The following ARFGAP1 variants were observed in gnomAD, a reference collection of about 807,000 sequenced individuals.
ARFGAP1 encodes ARF GTPase activating protein 1.
A neutral mutation model predicts 54.0 loss-of-function variants in ARFGAP1; 26 were observed. That is an observed-to-expected ratio of 0.48 (90% confidence interval 0.35 to 0.67). ARFGAP1 has a LOEUF of 0.67. Ranked by LOEUF, ARFGAP1 falls within the 30% of genes least tolerant of loss-of-function variation. The pLI is 0.00. For missense variants in ARFGAP1, 525 were observed against 535.8 expected (o/e 0.98, Z 0.20); for synonymous variants, 248 against 211.9 (o/e 1.17, Z -1.48).
chr20:63,282,958 C>A, intron 9 of ARFGAP1, 107 bp downstream of exon 9: 1 of 1,257,126 alleles, frequency 8.0e-7, no homozygotes, highest in Non-Finnish European at 1.2e-6. Context: ...AGGCCACATG[C>A]TCAGAGCTGA....
chr20:63,275,297 T>C (rs889988571), intron 1 of ARFGAP1, among the ~76,000 whole-genome samples: 1 of 152,188 alleles, frequency 6.6e-6, no homozygotes, highest in African/African-American at 2.4e-5. Flanking sequence ...GTCTTGGTGA[T>C]GAATAAGCTT....
At position 63,288,976 on chromosome 20, in the gene ARFGAP1, C is replaced by T; in HGVS notation, c.*1103C>T. The T allele has an allele frequency of 5.0e-6, 1 of 198,486 alleles. No homozygotes were observed. The highest frequency in any genetic ancestry group is 1.1e-5 in the Non-Finnish European group (1 of 94,730). The allele number at this position is 198,486 out of a possible 1,614,324, so 12.3% of individuals were successfully genotyped here. A position where few individuals can be genotyped will look rare whatever the true frequency, so the allele number is the denominator to read the frequency against. On this transcript the variant is annotated 3_prime_UTR_variant, in exon 13 of 13. Transcript: ENST00000370283. ...CCCTGGTCACCCCACTTCCCGGTCG[C>T]CGTCTGCAGCACTCCTGGAGCAGCC...
Position 63,288,142 on chromosome 20 carries a change from C to G in ARFGAP1, c.*269C>G, listed in dbSNP as rs576859761. ...CATTCTTGGACTCAAGGCCGGGGCT[C>G]TGCGTGGCTTGCTGGGAGGTGGGCT... On this transcript the variant is annotated 3_prime_UTR_variant, in exon 13 of 13. Transcript: ENST00000370283. The G allele has an allele frequency of 1.7e-5, 10 of 598,744 alleles. No individual in the cohort carries two copies. In the East Asian group the frequency reaches 2.7e-4, roughly 16 times the overall value. 37.1% of individuals were successfully genotyped at this position (598,744 alleles called of 1,614,324 possible).
chr20:63,275,655 C>G lies in ARFGAP1; in HGVS notation c.60+15C>G, dbSNP rs1331626022. The G allele has an allele frequency of 6.2e-7, 1 of 1,612,288 alleles. No homozygotes were observed. The highest frequency in any genetic ancestry group is 8.5e-7 in the Non-Finnish European group (1 of 1,178,942). On this transcript the variant is annotated intron_variant, in intron 2 of 12. Coordinates refer to ENST00000370283, the MANE Select transcript of ARFGAP1 (RefSeq NM_018209.4). ...ATGAGAACAACGTAAGCCTCTGCCC[C>G]CCACCCCCCGCCCTAAGGCTTGGTC...
In ARFGAP1 at chr20:63,284,700, G is replaced by A. The variant is rs574523335; in HGVS notation, c.718-166G>A. 2.2e-4 allele frequency: 327 copies of A among 1,456,080 alleles called. 1 individual carries two copies. In the African/African-American group the frequency reaches 4.1e-3, roughly 18 times the overall value. 90.2% of individuals were successfully genotyped at this position (1,456,080 alleles called of 1,614,324 possible). Reference sequence around the variant, plus strand: ...TAGAGGTGGCGGCCTACTGCCCTTCGGGTGTTGTGTGCAAAGCCCCGTTTC... The same window carrying A: ...TAGAGGTGGCGGCCTACTGCCCTTCAGGTGTTGTGTGCAAAGCCCCGTTTC... On this transcript the variant is annotated intron_variant, in intron 9 of 12. Transcript: ENST00000370283.
chr20:63,280,907 G>A (rs2067363204), intron 7 of ARFGAP1, among the ~76,000 whole-genome samples: 1 of 152,242 alleles, frequency 6.6e-6, no homozygotes, highest in African/African-American at 2.4e-5. Context: ...ATGAAGGAGA[G>A]CAGGTTACGC....
Position 63,276,281 on chromosome 20 carries a change from C to A in ARFGAP1, c.170+81C>A. ...TTCCTGACACCAGAGGTGCTGACGCCAGGGAAGCTTGGGGGCCACCTCCCA... is the reference window on the plus strand; with the variant it reads ...TTCCTGACACCAGAGGTGCTGACGCAAGGGAAGCTTGGGGGCCACCTCCCA... On this transcript the variant is annotated intron_variant, in intron 3 of 12. Coordinates refer to ENST00000370283, the MANE Select transcript of ARFGAP1 (RefSeq NM_018209.4). This position sits in a 1 kb window ranked among gnomAD's most constrained non-coding sequence, Gnocchi z 5.2. The A allele has an allele frequency of 6.6e-7, 1 of 1,526,624 alleles. No individual in the cohort carries two copies. The allele number at this position is 1,526,624 out of a possible 1,614,324, so 94.6% of individuals were successfully genotyped here. A position where few individuals can be genotyped will look rare whatever the true frequency, so the allele number is the denominator to read the frequency against.
chr20:63,284,673 T>C, intron 9 of ARFGAP1, 193 bp from the exon 10 acceptor site: 1 of 1,430,520 alleles, frequency 7.0e-7, no homozygotes, highest in Non-Finnish European at 9.2e-7. Flanking sequence ...GTCTCCGCCT[T>C]CTAGAGGTGG....
At chr20:63,283,061 G>C in intron 9 of ARFGAP1, 1 of 592,946 alleles carries the variant, frequency 1.7e-6, no homozygotes, top group East Asian at 2.8e-5. Context: ...GGCCTGCAGG[G>C]CCAAACTCGT....
intron 8 of ARFGAP1, 107 bp downstream of exon 8, chr20:63,281,454 G>C: frequency 7.4e-7 from 1 of 1,353,942 alleles, no homozygotes; most frequent in Admixed American, 2.0e-5. Flanking sequence ...GGACACAGAG[G>C]GTTTCTGGGT....
chr20:63,284,566 G>A (rs921375055), intron 9 of ARFGAP1: 4 of 1,279,456 alleles, frequency 3.1e-6, no homozygotes, highest in Non-Finnish European at 4.0e-6. Flanking sequence ...GCTCCACAGG[G>A]CCTGTTCCCA....
intron 12 of ARFGAP1, among the ~76,000 whole-genome samples, chr20:63,287,043 AG>A (rs1440491191): frequency 1.3e-5 from 2 of 152,252 alleles, no homozygotes; most frequent in Non-Finnish European, 2.9e-5. Flanking sequence ...GTCTACTGAG[AG>A]GCCAGCCCTG....
chr20:63,276,057 G>C lies in ARFGAP1; in HGVS notation c.61-34G>C. The C allele has an allele frequency of 6.2e-7, 1 of 1,602,008 alleles. No individual in the cohort carries two copies. Among genetic ancestry groups the C allele is most frequent in the East Asian group, 2.2e-5 (1 of 44,818 alleles). The stretch of plus-strand genomic sequence containing the variant: ...TTGGGGTCCCTGGGCTCTGCCCTGA[G>C]CCACCTGGTGAGTCACTTGTGGCCC... On this transcript the variant is annotated intron_variant, in intron 2 of 12. Transcript: ENST00000370283. This position sits in a 1 kb window ranked among gnomAD's most constrained non-coding sequence, Gnocchi z 5.2.
In ARFGAP1 at chr20:63,276,295, G is replaced by A. The variant is rs1032909841; in HGVS notation, c.170+95G>A. ...GGTGCTGACGCCAGGGAAGCTTGGG[G>A]GCCACCTCCCATTGCATTGCCAGTG... On this transcript the variant is annotated intron_variant, in intron 3 of 12. Transcript: ENST00000370283. The surrounding 1 kb of genome is among the most constrained non-coding windows in gnomAD (Gnocchi z 5.2). The A allele has an allele frequency of 6.2e-6, 9 of 1,461,672 alleles. No individual in the cohort carries two copies. In the South Asian group the frequency reaches 7.0e-5, roughly 11 times the overall value. The allele number at this position is 1,461,672 out of a possible 1,614,324, so 90.5% of individuals were successfully genotyped here. A position where few individuals can be genotyped will look rare whatever the true frequency, so the allele number is the denominator to read the frequency against.
At chr20:63,284,284 G>A (rs897575118) in intron 9 of ARFGAP1, 55 of 1,103,296 alleles carry the variant, frequency 5.0e-5, no homozygotes, top group Non-Finnish European at 5.3e-5. Flanking sequence ...GCTCTGTGAC[G>A]AGTTCTTCCC....
rs2067229283 is a variant in ARFGAP1, at chr20:63,276,092, T to C, written c.62T>C (p.Val21Ala). Residue 21 changes from valine to alanine, a missense_variant and splice_region_variant, in exon 3 of 13, where the codon GTT becomes GCT. Physicochemically the swap from Val to Ala is moderately conservative, Grantham distance 64. This residue lies in a region of ARFGAP1 where 39 missense variants were observed against 40.4 expected (regional missense o/e 0.97). Coordinates refer to ENST00000370283, the MANE Select transcript of ARFGAP1 (RefSeq NM_018209.4). This position sits in a 1 kb window ranked among gnomAD's most constrained non-coding sequence, Gnocchi z 5.2. ...GAGTCACTTGTGGCCCCTTTGCAGG[T>C]TTGTTTTGAGTGTGGCGCGTTCAAT... ...KEVRVQDENN[V>A]CFECGAFNPQ... is the part of the protein sequence containing the mutation. 1 of 1,613,622 alleles carries C rather than the reference T, an allele frequency of 6.2e-7. No homozygotes were observed. The highest frequency in any genetic ancestry group is 1.1e-5 in the South Asian group (1 of 91,072).
rs892071851 is a variant in ARFGAP1 at position 63,279,124 on chromosome 20, C to T, written c.627+129C>T. On this transcript the variant is annotated intron_variant, in intron 7 of 12. Coordinates refer to ENST00000370283, the MANE Select transcript of ARFGAP1 (RefSeq NM_018209.4). ...GCCTTGTTCTGATCTAAGGACCCCT[C>T]CCTTACCTTCAGCGACGTTTTCTTT... 12 of 931,416 alleles carry T rather than the reference C, an allele frequency of 1.3e-5. No individual in the cohort carries two copies. The African/African-American group carries it at 2.0e-4, about 15-fold the overall frequency. 57.7% of individuals were successfully genotyped at this position (931,416 alleles called of 1,614,324 possible).
At chr20:63,281,240 G>C in intron 7 of ARFGAP1, 51 bp from the exon 8 acceptor site, 1 of 1,553,122 alleles carries the variant, frequency 6.4e-7, no homozygotes, top group Non-Finnish European at 8.7e-7. Context: ...GCTCAGCGCC[G>C]GGTTCCTGGG....
At chr20:63,287,300 G>C (rs1157866720) in intron 12 of ARFGAP1, among the ~76,000 whole-genome samples, 1 of 152,264 alleles carries the variant, frequency 6.6e-6, no homozygotes, top group Non-Finnish European at 1.5e-5. Context: ...GCAGTTTGGA[G>C]CTGGTAGAAA....
Sources: allele counts gnomAD v4.1 joint callset (sites outside exome capture counted in the v4.1 genomes callset), GRCh38; gene constraint gnomAD v4.1.1; regional missense constraint gnomAD v4.1.1; non-coding constraint Gnocchi (gnomAD v3.1); transcripts MANE v1.5; gene names NCBI Gene and HGNC (gene_info 2026-07-23, HGNC 2026-07-21).